The following USH2A variants were observed in gnomAD, a reference collection of about 807,000 sequenced individuals.
USH2A encodes Usher syndrome 2A (autosomal recessive, mild).
A neutral mutation model predicts 538.9 loss-of-function variants in USH2A; 443 were observed. That is an observed-to-expected ratio of 0.82 (90% CI 0.76 to 0.89). The LOEUF is 0.89. Ranked by LOEUF, USH2A falls within the 40% of genes least tolerant of loss-of-function variation. The probability of loss-of-function intolerance (pLI) is 0.00; values close to 1 mark genes in which losing one functional copy is unlikely to be tolerated. For synonymous variants in USH2A, 2,413 were observed against 2,273.5 expected (o/e 1.06, Z -1.75); for missense variants, 6,633 against 6,324.8 (o/e 1.05, Z -1.65).
intron 16 of USH2A, among the ~76,000 whole-genome samples, chr1:216,201,412 G>A (rs1367329146): frequency 6.6e-6 from 1 of 151,264 alleles, no homozygotes; most frequent in Non-Finnish European, 1.5e-5. Context: ...GGGTTCAAGC[G>A]ATTCTCCTGC....
intron 49 of USH2A, among the ~76,000 whole-genome samples, chr1:215,801,748 C>T (rs964716673): frequency 6.6e-6 from 1 of 152,046 alleles, no homozygotes; most frequent in Admixed American, 6.6e-5. Flanking sequence ...AATCCCAATG[C>T]TTTTTGCAGA....
chr1:215,953,165 A>G (rs1666967291), intron 37 of USH2A, among the ~76,000 whole-genome samples: 2 of 152,156 alleles, frequency 1.3e-5, no homozygotes. Flanking sequence ...ATTCAATGCC[A>G]TCCCCATCAA....
At chr1:216,041,845 C>CT (rs146933027) in intron 32 of USH2A, among the ~76,000 whole-genome samples, 2,079 of 149,320 alleles carry the variant, frequency 0.014, 13 homozygotes, top group African/African-American at 0.019. Flanking sequence ...AATAAAATAA[C>CT]TTTTTTTTTT....
At chr1:215,993,270 T>C in intron 34 of USH2A, 103 bp from the exon 35 acceptor site, 2 of 1,539,856 alleles carry the variant, frequency 1.3e-6, no homozygotes, top group Non-Finnish European at 1.8e-6. Flanking sequence ...TTTTGTTATA[T>C]AGTGCTACCT....
intron 48 of USH2A, among the ~76,000 whole-genome samples, chr1:215,815,411 T>G (rs1662829857): frequency 6.6e-6 from 1 of 152,014 alleles, no homozygotes; most frequent in Non-Finnish European, 1.5e-5. Flanking sequence ...GTATGATTTT[T>G]TTTTTTTTGT....
intron 32 of USH2A, among the ~76,000 whole-genome samples, chr1:216,031,478 G>A (rs926812633): frequency 6.6e-6 from 1 of 152,038 alleles, no homozygotes; most frequent in African/African-American, 2.4e-5. Flanking sequence ...AACATAATGC[G>A]TTTCTCTCCT....
chr1:216,261,466 G>T (rs1231942552), intron 11 of USH2A, among the ~76,000 whole-genome samples: 1 of 145,570 alleles, frequency 6.9e-6, no homozygotes, highest in Non-Finnish European at 1.5e-5. Flanking sequence ...AAAAAAAAAG[G>T]CTGGAAAAAA....
rs139311927 is a variant in USH2A, at chr1:216,190,241, C to T, written c.4378G>A (p.Gly1460Arg). 1.2e-5 allele frequency: 19 copies of T among 1,612,224 alleles called. No homozygotes were observed. Among genetic ancestry groups the T allele is most frequent in the Admixed American group, 3.3e-5 (2 of 59,784 alleles). ...VGCVTSASGA[G>R]QTLAAAPAQL... ...TGCTTACCTGCTGCTAAAGTTTGTCCTGCTCCCGAAGCACTGGTCACACAA... is the reference window on the plus strand; with the variant it reads ...TGCTTACCTGCTGCTAAAGTTTGTCTTGCTCCCGAAGCACTGGTCACACAA... The change falls in exon 20 of 72, where the codon GGA (glycine) becomes AGA (arginine). Residue 1460 changes from glycine (G) to arginine (R), a missense_variant. Gly to Arg is a moderately radical substitution (Grantham distance 125). Coordinates refer to ENST00000307340, the MANE Select transcript of USH2A (RefSeq NM_206933.4).
chr1:215,918,716 T>A (rs139203160), intron 38 of USH2A, among the ~76,000 whole-genome samples: 1 of 152,216 alleles, frequency 6.6e-6, no homozygotes, highest in East Asian at 1.9e-4. Context: ...TTCTAAGAAC[T>A]GATTTCACCT....
intron 15 of USH2A, among the ~76,000 whole-genome samples, chr1:216,216,050 G>A (rs772524109): frequency 6.6e-6 from 1 of 152,018 alleles, no homozygotes; most frequent in African/African-American, 2.4e-5. Context: ...ATTAGGTATT[G>A]TAATTCCATT....
At chr1:215,958,256 G>A (rs560704679) in intron 37 of USH2A, among the ~76,000 whole-genome samples, 1 of 152,008 alleles carries the variant, frequency 6.6e-6, no homozygotes, top group Admixed American at 6.6e-5. Context: ...AAAATCAACT[G>A]CATTTCTTTG....
intron 38 of USH2A, among the ~76,000 whole-genome samples, chr1:215,902,305 A>T (rs564041412): frequency 6.6e-6 from 1 of 152,304 alleles, no homozygotes; most frequent in African/African-American, 2.4e-5. Flanking sequence ...GTGAACAATG[A>T]GGCTAATGAA....
chr1:216,237,005 T>A (rs1333726918), intron 13 of USH2A, among the ~76,000 whole-genome samples: 1 of 152,194 alleles, frequency 6.6e-6, no homozygotes, highest in Non-Finnish European at 1.5e-5. Context: ...AGATTATAAT[T>A]AATATATGTA....
chr1:216,259,865 G>T, intron 11 of USH2A, among the ~76,000 whole-genome samples: 1 of 151,866 alleles, frequency 6.6e-6, no homozygotes. Flanking sequence ...GAGACCAGCA[G>T]AGAAAACAAT....
chr1:215,630,574 C>T (rs1166436920), intron 70 of USH2A, among the ~76,000 whole-genome samples: 2 of 143,242 alleles, frequency 1.4e-5, no homozygotes, highest in African/African-American at 5.3e-5. Flanking sequence ...ATAGTGAGGC[C>T]GGGTGCGGTG....
chr1:216,090,633 T>G (rs1006082876), intron 22 of USH2A, among the ~76,000 whole-genome samples: 2 of 152,116 alleles, frequency 1.3e-5, no homozygotes, highest in Non-Finnish European at 2.9e-5. Flanking sequence ...TCAACCCTAT[T>G]TCAACATTTT....
At chr1:215,900,567 A>T (rs1665466269) in intron 39 of USH2A, among the ~76,000 whole-genome samples, 188 bp downstream of exon 39, 1 of 152,212 alleles carries the variant, frequency 6.6e-6, no homozygotes, top group Admixed American at 6.5e-5. Flanking sequence ...ATCCTACTTT[A>T]AATGCTACAT....
chr1:216,112,822 A>G (rs1449762616), intron 21 of USH2A, among the ~76,000 whole-genome samples: 4 of 151,936 alleles, frequency 2.6e-5, no homozygotes, highest in African/African-American at 7.2e-5. Context: ...CTCATGCTGT[A>G]TATGTACCAC....
intron 11 of USH2A, among the ~76,000 whole-genome samples, chr1:216,254,167 A>T (rs1328400233): frequency 6.6e-6 from 1 of 152,206 alleles, no homozygotes; most frequent in Non-Finnish European, 1.5e-5. Context: ...ACACATATAG[A>T]TTATAATTTC....
Sources: gnomAD v4.1 joint callset for allele counts (sites outside exome capture counted in the v4.1 genomes callset) on GRCh38, gnomAD v4.1.1 for gene constraint, MANE v1.5 for transcripts, NCBI Gene and HGNC (gene_info 2026-07-23, HGNC 2026-07-21) for gene names.